Variants in UBASH3B observed in about 807,000 individuals in gnomAD.
UBASH3B encodes the protein ubiquitin associated and SH3 domain containing B, also known as ubiquitin-associated and SH3 domain-containing protein B.
UBASH3B carries 37 observed loss-of-function variants against 83.4 expected under a neutral mutation model. The ratio of observed to expected loss-of-function variants is 0.44; its 90% CI spans 0.34 to 0.58. The LOEUF is 0.58. Among genes scored for constraint, UBASH3B ranks in the 20% least tolerant of loss-of-function variants. The pLI, the probability that UBASH3B is intolerant of heterozygous loss-of-function variation, is 0.01. For synonymous variants in UBASH3B, 304 were observed against 318.3 expected, an observed-to-expected ratio of 0.96 and a Z score of 0.48; for missense variants, 657 against 827.2, an observed-to-expected ratio of 0.79 and a Z score of 2.52.
At chr11:122,796,371 A>G (rs1861157157) in intron 8 of UBASH3B, 95 bp downstream of exon 8, 2 of 1,535,174 alleles carry the variant, frequency 1.3e-6, no homozygotes, top group East Asian at 2.3e-5. Context: ...AGTCATTCAT[A>G]GTTTTGCGTA....
chr11:122,727,291 C>T (rs1860758290), intron 1 of UBASH3B, among the ~76,000 whole-genome samples: 1 of 152,192 alleles, frequency 6.6e-6, no homozygotes, highest in Non-Finnish European at 1.5e-5. Context: ...CAAATCATAG[C>T]GCAGCAGCGA....
intron 10 of UBASH3B, among the ~76,000 whole-genome samples, 171 bp downstream of exon 10, chr11:122,799,205 T>G (rs1184501622): frequency 6.6e-6 from 1 of 152,074 alleles, no homozygotes; most frequent in Non-Finnish European, 1.5e-5. Context: ...AAAAACATAC[T>G]CTGGGCCGGG....
At chr11:122,760,652 C>T (rs1861356187) in intron 1 of UBASH3B, among the ~76,000 whole-genome samples, 1 of 152,308 alleles carries the variant, frequency 6.6e-6, no homozygotes, top group South Asian at 2.1e-4. Context: ...TGAGCCACTG[C>T]ACCCAGCCCC....
At chr11:122,794,593 C>T (rs772966698) in intron 6 of UBASH3B, 109 bp from the exon 7 acceptor site, 206 of 1,384,222 alleles carry the variant, frequency 1.5e-4, no homozygotes, top group Non-Finnish European at 1.9e-4. Flanking sequence ...CATCATTGTG[C>T]TACCCACAGA....
intron 1 of UBASH3B, among the ~76,000 whole-genome samples, chr11:122,660,052 T>C (rs997202436): frequency 3.9e-5 from 6 of 152,184 alleles, no homozygotes; most frequent in Non-Finnish European, 8.8e-5. Flanking sequence ...ACGCAATTAA[T>C]GACTGCATGC....
chr11:122,712,822 A>G (rs371486112), intron 1 of UBASH3B, among the ~76,000 whole-genome samples: 4 of 145,484 alleles, frequency 2.7e-5, no homozygotes. Flanking sequence ...AATGAGGAAT[A>G]GTGGTACAGG....
intron 1 of UBASH3B, among the ~76,000 whole-genome samples, chr11:122,717,361 C>T (rs930278263): frequency 6.6e-6 from 1 of 152,156 alleles, no homozygotes; most frequent in Non-Finnish European, 1.5e-5. Context: ...CCCCACAGTC[C>T]GAGGAGATAA....
chr11:122,674,616 C>T (rs1423196639), intron 1 of UBASH3B, among the ~76,000 whole-genome samples: 4 of 151,892 alleles, frequency 2.6e-5, no homozygotes, highest in African/African-American at 9.7e-5. Context: ...CTCCTGACCT[C>T]GTGATCTGCC....
chr11:122,779,439 GC>G, intron 3 of UBASH3B, 57 bp from the exon 4 acceptor site: 1 of 1,586,984 alleles, frequency 6.3e-7, no homozygotes, highest in Non-Finnish European at 8.6e-7. Flanking sequence ...ATGTTAAGTA[GC>G]AGCAGACTTC....
At chr11:122,693,095 C>A (rs573906512) in intron 1 of UBASH3B, among the ~76,000 whole-genome samples, 13 of 152,190 alleles carry the variant, frequency 8.5e-5, no homozygotes, top group Admixed American at 7.2e-4. Flanking sequence ...TGGCAAAGAA[C>A]CTTCTCAAGG....
At chr11:122,685,033 G>A (rs79129303) in intron 1 of UBASH3B, among the ~76,000 whole-genome samples, 139 of 152,208 alleles carry the variant, frequency 9.1e-4, no homozygotes, top group East Asian at 3.9e-3. Flanking sequence ...TTCACGGGCC[G>A]CGGGTCTGAA....
intron 1 of UBASH3B, among the ~76,000 whole-genome samples, chr11:122,673,399 A>T (rs1863625357): frequency 1.3e-5 from 2 of 152,220 alleles, no homozygotes; most frequent in African/African-American, 4.8e-5. Flanking sequence ...CTGTAATCCT[A>T]GCACTTTGGG....
intron 1 of UBASH3B, among the ~76,000 whole-genome samples, chr11:122,730,356 T>TC (rs1860822028): frequency 1.3e-5 from 2 of 152,058 alleles, no homozygotes; most frequent in African/African-American, 2.4e-5. Flanking sequence ...TTTCCATGTG[T>TC]CCCCTAAGAG....
rs563409674 is a variant in UBASH3B at position 122,783,304 on chromosome 11, G to A, written c.771+82G>A. On this transcript the variant is annotated intron_variant, in intron 5 of 13. Transcript: ENST00000284273. ...GCAGCTCGCTGCTGCAGGGAGATGG[G>A]TACCTACAGGGGAAAAATGGAGCAA... 389 of 1,491,412 alleles carry A rather than the reference G, an allele frequency of 2.6e-4. 1 individual carries two copies. Among genetic ancestry groups the A allele is most frequent in the Non-Finnish European group, 3.4e-4 (376 of 1,100,552 alleles). 92.4% of individuals were successfully genotyped at this position (1,491,412 alleles called of 1,614,324 possible).
intron 1 of UBASH3B, among the ~76,000 whole-genome samples, chr11:122,733,747 A>C (rs1240608589): frequency 6.6e-6 from 1 of 152,250 alleles, no homozygotes; most frequent in African/African-American, 2.4e-5. Context: ...ATAGCACTGC[A>C]TGAACTCAGA....
At chr11:122,730,856 A>G (rs1050026100) in intron 1 of UBASH3B, among the ~76,000 whole-genome samples, 1 of 152,104 alleles carries the variant, frequency 6.6e-6, no homozygotes, top group Non-Finnish European at 1.5e-5. Flanking sequence ...CGGCCTCCCA[A>G]AGTCCTGGGA....
intron 1 of UBASH3B, among the ~76,000 whole-genome samples, chr11:122,744,261 C>G (rs556010357): frequency 6.6e-6 from 1 of 152,026 alleles, no homozygotes; most frequent in African/African-American, 2.4e-5. Flanking sequence ...TGAGTTTGTG[C>G]TGTGTGAGCC....
chr11:122,754,942 C>G (rs1451312880), intron 1 of UBASH3B, among the ~76,000 whole-genome samples: 1 of 152,036 alleles, frequency 6.6e-6, no homozygotes, highest in Non-Finnish European at 1.5e-5. Context: ...TAGAGCTGCA[C>G]GATAGTCAAA....
chr11:122,677,840 T>C (rs7102125), intron 1 of UBASH3B, among the ~76,000 whole-genome samples: 23,483 of 152,150 alleles, frequency 0.15, 1,941 homozygotes, highest in East Asian at 0.21. Context: ...GGCAGAATCT[T>C]GGCTCACCAC....
Sources: gnomAD v4.1 joint callset for allele counts (sites outside exome capture counted in the v4.1 genomes callset) on GRCh38, gnomAD v4.1.1 for gene constraint, MANE v1.5 for transcripts, NCBI Gene and HGNC (gene_info 2026-07-23, HGNC 2026-07-21) for gene names.